Variants in MAN1A2 observed in about 807,000 individuals in gnomAD.
The protein encoded by MAN1A2 is mannosidase alpha class 1A member 2.
A neutral mutation model predicts 75.7 loss-of-function variants in MAN1A2; 26 were observed. The ratio of observed to expected loss-of-function variants is 0.34; its 90% confidence interval spans 0.25 to 0.48. The LOEUF (loss-of-function observed/expected upper bound fraction) is 0.48, where lower values mean the gene tolerates loss of function less well. Ranked by LOEUF, MAN1A2 falls within the 20% of genes least tolerant of loss-of-function variation. MAN1A2 has a pLI of 0.99. For missense variants in MAN1A2, 562 were observed against 775.5 expected (o/e 0.72, Z 3.27); for synonymous variants, 247 against 264.6 (o/e 0.93, Z 0.65).
intron 4 of MAN1A2, among the ~76,000 whole-genome samples, chr1:117,415,048 G>T (rs1647945205): frequency 6.6e-6 from 1 of 151,918 alleles, no homozygotes; most frequent in Admixed American, 6.6e-5. Context: ...TTTTAAAGTT[G>T]AGTAATTAGC....
chr1:117,485,442 AG>A (rs1650640508), intron 8 of MAN1A2, among the ~76,000 whole-genome samples: 1 of 151,962 alleles, frequency 6.6e-6, no homozygotes, highest in Admixed American at 6.6e-5. Flanking sequence ...AATAATAAAA[AG>A]ATTTGAAGGC....
At position 117,445,631 on chromosome 1, in the gene MAN1A2, AT is replaced by A. The variant is rs149909805; in HGVS notation, c.950+3307del. Reference sequence around the variant, plus strand: ...AGCCTTGACCTGCCGGGCTTAAGTGATCCCCCCATCTCAGCCTCTCTAGTAG... The same window carrying A: ...AGCCTTGACCTGCCGGGCTTAAGTGACCCCCCATCTCAGCCTCTCTAGTAG... On this transcript the variant is annotated intron_variant, in intron 6 of 12. Coordinates refer to ENST00000356554, the MANE Select transcript of MAN1A2 (RefSeq NM_006699.5). Among the ~76,000 whole-genome samples the A allele has an allele frequency of 4.6e-3, 696 of 151,928 alleles. 7 individuals carry two copies. Among genetic ancestry groups the A allele is most frequent in the African/African-American group, 0.016 (663 of 41,450 alleles).
rs139693480 is a variant in MAN1A2 at position 117,396,817 on chromosome 1, A to G, written c.303-5369A>G. Among the ~76,000 whole-genome samples the G allele has an allele frequency of 3.3e-5, 5 of 152,274 alleles. No individual in the cohort carries two copies. The East Asian group carries it at 9.7e-4, about 29-fold the overall frequency. On this transcript the variant is annotated intron_variant, in intron 1 of 12. Coordinates refer to ENST00000356554, the MANE Select transcript of MAN1A2 (RefSeq NM_006699.5). ...TGTATAGAACATTACTTTTTACTTG[A>G]TTCCAAGGTAAGTACAAGGAAGTAC...
chr1:117,438,401 AACCCTAAAACGTTTATAT>A (rs1293771591), intron 5 of MAN1A2, among the ~76,000 whole-genome samples: 5 of 152,220 alleles, frequency 3.3e-5, no homozygotes, highest in Non-Finnish European at 7.3e-5. Flanking sequence ...TAAAAAGAAA[AACCCTAAAACGTTTATAT>A]GGTAAGGTTA....
rs1290558 is a variant in MAN1A2 at position 117,523,219 on chromosome 1, A to G, written c.*262A>G. 229,884 of 590,380 alleles carry G rather than the reference A, an allele frequency of 0.39. 46,777 individuals are homozygous for G. Among genetic ancestry groups the G allele is most frequent in the Admixed American group, 0.59 (27,204 of 46,048 alleles). The allele number at this position is 590,380 out of a possible 1,614,324, so 36.6% of individuals were successfully genotyped here. On this transcript the variant is annotated 3_prime_UTR_variant, in exon 13 of 13. Transcript: ENST00000356554. ...CGTTAATGAGGTGGTCACATGAGAA[A>G]TGATACCTGTTACTACTGTATTGTT...
At chr1:117,516,072 C>T (rs2101893538) in intron 12 of MAN1A2, 1 of 152,232 alleles carries the variant, frequency 6.6e-6, no homozygotes, top group Admixed American at 6.6e-5. Context: ...TTAAAATTAT[C>T]TTTTTCCTAT....
intron 5 of MAN1A2, among the ~76,000 whole-genome samples, chr1:117,434,747 CTGTGTGTGTGTG>C (rs61681259): frequency 0.029 from 3,952 of 135,412 alleles, 129 homozygotes; most frequent in African/African-American, 0.082. Context: ...TTGGTTACAG[CTGTGTGTGTGTG>C]TGTGTGTGTG....
chr1:117,381,181 C>T (rs913288258), intron 1 of MAN1A2, among the ~76,000 whole-genome samples: 2 of 151,748 alleles, frequency 1.3e-5, no homozygotes, highest in African/African-American at 4.8e-5. Flanking sequence ...TGTGTAGAAG[C>T]GCAACTAATT....
At chr1:117,445,722 T>G (rs893127380) in intron 6 of MAN1A2, among the ~76,000 whole-genome samples, 3 of 151,634 alleles carry the variant, frequency 2.0e-5, no homozygotes, top group Admixed American at 1.3e-4. Context: ...AGGTGGGCTC[T>G]CACTGTCTTG....
intron 12 of MAN1A2, among the ~76,000 whole-genome samples, chr1:117,514,273 G>A (rs1174240626): frequency 6.6e-6 from 1 of 151,346 alleles, no homozygotes; most frequent in Non-Finnish European, 1.5e-5. Flanking sequence ...TGAGACAGGA[G>A]AATCACTTGA....
intron 5 of MAN1A2, among the ~76,000 whole-genome samples, chr1:117,440,337 T>G (rs1648988118): frequency 6.6e-6 from 1 of 152,164 alleles, no homozygotes; most frequent in Non-Finnish European, 1.5e-5. Context: ...AACAGGTGGT[T>G]GCATTGTAAA....
chr1:117,394,626 G>C (rs531673949), intron 1 of MAN1A2, among the ~76,000 whole-genome samples: 1 of 152,130 alleles, frequency 6.6e-6, no homozygotes, highest in African/African-American at 2.4e-5. Flanking sequence ...TGACCAAAAG[G>C]CTGGAACACT....
At chr1:117,430,032 C>T (rs1315403492) in intron 5 of MAN1A2, among the ~76,000 whole-genome samples, 1 of 40,142 alleles carries the variant, frequency 2.5e-5, no homozygotes, top group Non-Finnish European at 5.0e-5. Flanking sequence ...GGGTGGGGGG[C>T]TGACCCCCCC....
At chr1:117,504,147 G>C in intron 12 of MAN1A2, among the ~76,000 whole-genome samples, 1 of 151,386 alleles carries the variant, frequency 6.6e-6, no homozygotes, top group East Asian at 1.9e-4. Context: ...TTAGGCTTGA[G>C]ACTGTAGAAG....
chr1:117,499,772 A>AAT (rs1246233000), intron 11 of MAN1A2, among the ~76,000 whole-genome samples: 2 of 148,368 alleles, frequency 1.3e-5, no homozygotes, highest in East Asian at 3.9e-4. Flanking sequence ...AAAATATATA[A>AAT]ATATATATAT....
chr1:117,447,487 T>C (rs1362363143), intron 6 of MAN1A2, among the ~76,000 whole-genome samples: 1 of 152,062 alleles, frequency 6.6e-6, no homozygotes, highest in East Asian at 1.9e-4. Context: ...TTAGTAGAAA[T>C]AGTGGATCAA....
intron 6 of MAN1A2, among the ~76,000 whole-genome samples, chr1:117,454,311 A>G (rs1484810774): frequency 6.6e-6 from 1 of 152,210 alleles, no homozygotes; most frequent in Non-Finnish European, 1.5e-5. Flanking sequence ...GATGGAACCC[A>G]GCAGGATAAA....
intron 4 of MAN1A2, among the ~76,000 whole-genome samples, chr1:117,419,118 G>A (rs939468360): frequency 6.6e-6 from 1 of 152,022 alleles, no homozygotes; most frequent in African/African-American, 2.4e-5. Flanking sequence ...TAATACAAGG[G>A]ATGTCAAAGA....
intron 11 of MAN1A2, among the ~76,000 whole-genome samples, chr1:117,501,824 A>G (rs1651210718): frequency 6.6e-6 from 1 of 151,756 alleles, no homozygotes; most frequent in Admixed American, 6.6e-5. Context: ...ACTAGGAACA[A>G]CAAGCCATGG....
Sources: gnomAD v4.1 joint callset for allele counts (sites outside exome capture counted in the v4.1 genomes callset) on GRCh38, gnomAD v4.1.1 for gene constraint, MANE v1.5 for transcripts, NCBI Gene and HGNC (gene_info 2026-07-23, HGNC 2026-07-21) for gene names.